Variants in TBC1D14 observed in about 807,000 individuals in gnomAD.
TBC1D14 encodes the protein TBC1 domain family member 14, also known as TBC1 domain family, member 14.
A neutral mutation model predicts 79.0 loss-of-function variants in TBC1D14; 26 were observed. That is an observed-to-expected ratio of 0.33 (90% CI 0.24 to 0.46). The LOEUF (loss-of-function observed/expected upper bound fraction) is 0.46. Among genes scored for constraint, TBC1D14 ranks in the 20% least tolerant of loss-of-function variants. The probability of loss-of-function intolerance (pLI) is 1.00; values close to 1 mark genes in which losing one functional copy is unlikely to be tolerated. For synonymous variants in TBC1D14, 394 were observed against 349.9 expected, an observed-to-expected ratio of 1.13 and a Z score of -1.40; for missense variants, 769 against 887.6, an observed-to-expected ratio of 0.87 and a Z score of 1.70.
chr4:7,008,750 T>G (rs1286279713), intron 9 of TBC1D14, among the ~76,000 whole-genome samples: 1 of 152,202 alleles, frequency 6.6e-6, no homozygotes, highest in Non-Finnish European at 1.5e-5. Context: ...GAAATGACAT[T>G]TAGCACCAAA....
intron 13 of TBC1D14, 65 bp downstream of exon 13, chr4:7,025,327 C>G: frequency 6.3e-7 from 1 of 1,594,364 alleles, no homozygotes; most frequent in Middle Eastern, 1.8e-4. Flanking sequence ...CTCAGGAAGG[C>G]CCCTACGTAA....
At chr4:6,994,575 G>A (rs1010709946) in intron 4 of TBC1D14, among the ~76,000 whole-genome samples, 12 of 152,168 alleles carry the variant, frequency 7.9e-5, no homozygotes, top group African/African-American at 2.9e-4. Context: ...TCAGCTGGGT[G>A]CAGTGGCTCA....
intron 2 of TBC1D14, among the ~76,000 whole-genome samples, chr4:6,966,681 G>T (rs1252433636): frequency 6.6e-6 from 1 of 152,152 alleles, no homozygotes; most frequent in Non-Finnish European, 1.5e-5. Flanking sequence ...GCTAATGAAT[G>T]GTTGAGCCAG....
chr4:7,020,986 T>G (rs1416111482), intron 12 of TBC1D14, among the ~76,000 whole-genome samples: 1 of 152,220 alleles, frequency 6.6e-6, no homozygotes, highest in Non-Finnish European at 1.5e-5. Flanking sequence ...AACGAGCACT[T>G]TCTGTTGTGT....
chr4:6,998,337 G>A (rs992754099), intron 5 of TBC1D14, among the ~76,000 whole-genome samples: 3 of 151,072 alleles, frequency 2.0e-5, no homozygotes, highest in Admixed American at 6.6e-5. Flanking sequence ...CCCACCCTGG[G>A]TGACAGAGCA....
At chr4:6,920,099 G>A (rs1723730255) in intron 1 of TBC1D14, among the ~76,000 whole-genome samples, 1 of 151,982 alleles carries the variant, frequency 6.6e-6, no homozygotes, top group Admixed American at 6.6e-5. Context: ...TTTTGGTAGA[G>A]ATGGGGGTCT....
chr4:6,946,731 T>C (rs1202763177), intron 2 of TBC1D14, among the ~76,000 whole-genome samples: 1 of 152,188 alleles, frequency 6.6e-6, no homozygotes, highest in Non-Finnish European at 1.5e-5. Context: ...AGAGGTTCAT[T>C]TCTTGCCTAA....
At chr4:6,994,134 T>G in intron 3 of TBC1D14, 50 bp from the exon 4 acceptor site, 2 of 1,478,456 alleles carry the variant, frequency 1.4e-6, no homozygotes, top group Non-Finnish European at 1.9e-6. Flanking sequence ...TCCGAAGGAC[T>G]TCATCCTATC....
intron 3 of TBC1D14, chr4:6,987,424 G>A: frequency 7.8e-7 from 1 of 1,280,112 alleles, no homozygotes; most frequent in Non-Finnish European, 1.0e-6. Context: ...TCCTGTCCTG[G>A]GCCTGCCAGC....
At chr4:6,925,899 G>T (rs905966929) in intron 2 of TBC1D14, among the ~76,000 whole-genome samples, 8 of 152,198 alleles carry the variant, frequency 5.3e-5, no homozygotes, top group Non-Finnish European at 1.0e-4. Flanking sequence ...TACAGAATCA[G>T]AAGCTCAGCG....
chr4:6,939,200 G>A (rs2108969076), intron 2 of TBC1D14, among the ~76,000 whole-genome samples: 1 of 152,284 alleles, frequency 6.6e-6, no homozygotes, highest in East Asian at 1.9e-4. Context: ...GCATCTTCCA[G>A]CAGGAAGAAC....
intron 3 of TBC1D14, among the ~76,000 whole-genome samples, chr4:6,983,561 G>C (rs906381873): frequency 6.6e-6 from 1 of 152,146 alleles, no homozygotes; most frequent in African/African-American, 2.4e-5. Context: ...GACTGGGATC[G>C]TTTGGTGGAG....
intron 3 of TBC1D14, among the ~76,000 whole-genome samples, chr4:6,969,415 C>CT (rs896284385): frequency 5.3e-5 from 8 of 149,544 alleles, no homozygotes; most frequent in African/African-American, 1.2e-4. Flanking sequence ...GTTTTTTTTT[C>CT]TTTTTTTTGA....
chr4:6,943,758 G>A (rs1713146490), intron 2 of TBC1D14, among the ~76,000 whole-genome samples: 1 of 152,174 alleles, frequency 6.6e-6, no homozygotes, highest in African/African-American at 2.4e-5. Flanking sequence ...GGAGAGCTGG[G>A]GCCACACCGT....
At chr4:6,944,515 C>T (rs1467080670) in intron 2 of TBC1D14, among the ~76,000 whole-genome samples, 2 of 152,176 alleles carry the variant, frequency 1.3e-5, no homozygotes, top group Non-Finnish European at 2.9e-5. Context: ...GCCTGTCCTC[C>T]CTGGGGTGAT....
At position 6,923,283 on chromosome 4, in the gene TBC1D14, G is replaced by A. The variant is rs190231631; in HGVS notation, c.-17-90G>A. On this transcript the variant is annotated intron_variant, in intron 1 of 13. Transcript: ENST00000409757. ...ACCTTTTCAAGGCTTTCTCCCTTAA[G>A]TGAGATCAGACCATTTCAGCTGTGT... 8.6e-5 allele frequency: 122 copies of A among 1,410,966 alleles called. 2 individuals carry two copies. In the African/African-American group the frequency reaches 1.5e-3, roughly 17 times the overall value. 87.4% of individuals were successfully genotyped at this position (1,410,966 alleles called of 1,614,324 possible).
rs1339941759 is a variant in TBC1D14 at position 7,031,836 on chromosome 4, G to C, written c.*1444G>C. On this transcript the variant is annotated 3_prime_UTR_variant, in exon 14 of 14. Coordinates refer to ENST00000409757, the MANE Select transcript of TBC1D14 (RefSeq NM_020773.3). Reference sequence around the variant, plus strand: ...GCTGATCTCATTTCTGATGTTGAGGGCTGTTTGGCTCTGTCTGTATAGCTT... The same window carrying C: ...GCTGATCTCATTTCTGATGTTGAGGCCTGTTTGGCTCTGTCTGTATAGCTT... The C allele has an allele frequency of 6.6e-6, 1 of 152,324 alleles. No individual in the cohort carries two copies. Among genetic ancestry groups the C allele is most frequent in the African/African-American group, 2.4e-5 (1 of 41,454 alleles). The allele number at this position is 152,324 out of a possible 1,614,324, so 9.4% of individuals were successfully genotyped here. A position where few individuals can be genotyped will look rare whatever the true frequency, so the allele number is the denominator to read the frequency against.
At chr4:7,007,626 G>T in intron 9 of TBC1D14, 1 of 1,288,002 alleles carries the variant, frequency 7.8e-7, no homozygotes, top group Non-Finnish European at 1.0e-6. Context: ...CTGGTGTCTG[G>T]TGCGTGAGCC....
rs144799100 is a variant in TBC1D14, at chr4:6,932,630, C to T, written c.722+8519C>T. 3.2e-3 allele frequency among the ~76,000 whole-genome samples: 490 copies of T among 152,210 alleles called. 13 individuals carry two copies. The highest frequency in any genetic ancestry group is 7.9e-4 in the Non-Finnish European group (54 of 68,006). ...AGCCACTGCAGAATTTTTGTCTTTTCGAGATGGGGTCTTGCTGCATTGGCC... is the reference window on the plus strand; with the variant it reads ...AGCCACTGCAGAATTTTTGTCTTTTTGAGATGGGGTCTTGCTGCATTGGCC... On this transcript the variant is annotated intron_variant, in intron 2 of 13. Transcript: ENST00000409757.
Sources: gnomAD v4.1 joint callset for allele counts (sites outside exome capture counted in the v4.1 genomes callset) on GRCh38, gnomAD v4.1.1 for gene constraint, MANE v1.5 for transcripts, NCBI Gene and HGNC (gene_info 2026-07-23, HGNC 2026-07-21) for gene names.